The following PAK3 variants were observed in gnomAD, a reference collection of about 807,000 sequenced individuals.
The protein encoded by PAK3 is p21 (RAC1) activated kinase 3, also known as serine/threonine-protein kinase PAK 3.
In PAK3, 4 loss-of-function variants were observed where a neutral mutation model predicts 41.0. The observed-to-expected ratio is 0.10, with a 90% CI of 0.05 to 0.22. PAK3 has a LOEUF of 0.22. PAK3 is among the 10% of genes least tolerant of loss of function. PAK3 has a pLI of 1.00. For missense variants in PAK3, 205 were observed against 409.9 expected (o/e 0.50, Z 4.32); for synonymous variants, 146 against 139.6 (o/e 1.05, Z -0.32).
intron 1 of PAK3, among the ~76,000 whole-genome samples, chrX:111,015,299 A>G (rs1336952466): frequency 9.0e-6 from 1 of 110,939 alleles, no homozygotes; most frequent in Non-Finnish European, 1.9e-5. Flanking sequence ...CTATGACTGA[A>G]TAATATTCCA....
chrX:110,948,642 G>T (rs1452884082), intron 1 of PAK3, among the ~76,000 whole-genome samples: 2 of 111,724 alleles, frequency 1.8e-5, no homozygotes, highest in East Asian at 5.6e-4. Context: ...CTTAATGGCT[G>T]ATAATCATTG....
At chrX:111,028,322 A>G (rs374610875) in intron 1 of PAK3, among the ~76,000 whole-genome samples, 1 of 109,601 alleles carries the variant, frequency 9.1e-6, no homozygotes, top group East Asian at 2.9e-4. Flanking sequence ...TGGGTGCACA[A>G]AAATATCGGA....
chrX:110,950,536 C>T (rs1412302833), intron 1 of PAK3, among the ~76,000 whole-genome samples: 1 of 111,528 alleles, frequency 9.0e-6, no homozygotes, highest in Non-Finnish European at 1.9e-5. Context: ...TTTTAAGCCC[C>T]GCATGCATTA....
intron 1 of PAK3, among the ~76,000 whole-genome samples, chrX:111,067,694 A>G (rs1458773968): frequency 8.9e-6 from 1 of 111,950 alleles, no homozygotes; most frequent in Non-Finnish European, 1.9e-5. Context: ...TAAATTTGCT[A>G]ATGTTAAACT....
At chrX:110,954,878 G>A (rs976934345) in intron 1 of PAK3, among the ~76,000 whole-genome samples, 11 of 111,304 alleles carry the variant, frequency 9.9e-5, no homozygotes, top group Non-Finnish European at 1.9e-4. Flanking sequence ...CAGGAGACTA[G>A]TGCCAAGGGT....
At chrX:111,094,156 C>A (rs7881798), upstream of PAK3, among the ~76,000 whole-genome samples, 4,666 of 109,759 alleles carry the variant, frequency 0.043, 127 homozygotes, top group African/African-American at 0.093. Context: ...CTGATTCCAA[C>A]TTATTAATGA....
chrX:111,090,746 A>T (rs990538012), intron 1 of PAK3, among the ~76,000 whole-genome samples: 4 of 112,259 alleles, frequency 3.6e-5, no homozygotes, highest in African/African-American at 1.3e-4. Flanking sequence ...GAAAAACATG[A>T]CATCATAGTC....
At chrX:111,097,127 G>A (rs1237999515) in intron 1 of PAK3, among the ~76,000 whole-genome samples, 3 of 108,924 alleles carry the variant, frequency 2.8e-5, no homozygotes, top group Non-Finnish European at 5.7e-5. Context: ...GTGTCATTGG[G>A]TCCACTGCCT....
At chrX:110,984,404 A>G (rs1021252179) in intron 1 of PAK3, among the ~76,000 whole-genome samples, 3 of 111,584 alleles carry the variant, frequency 2.7e-5, no homozygotes, top group Non-Finnish European at 5.7e-5. Flanking sequence ...TATCCTACCC[A>G]AGCCCTGGGT....
intron 1 of PAK3, among the ~76,000 whole-genome samples, chrX:110,964,689 G>A (rs920052598): frequency 3.6e-5 from 4 of 112,278 alleles, no homozygotes; most frequent in African/African-American, 9.7e-5. Context: ...CCTGTGCCAC[G>A]TCTGAAGAAC....
At chrX:111,160,828 G>C (rs1373195768) in intron 8 of PAK3, among the ~76,000 whole-genome samples, 1 of 105,178 alleles carries the variant, frequency 9.5e-6, no homozygotes, top group Non-Finnish European at 2.0e-5. Flanking sequence ...GTATTCCATG[G>C]TGTATATGTG....
At chrX:111,043,189 G>A (rs1191494643) in intron 1 of PAK3, among the ~76,000 whole-genome samples, 1 of 110,055 alleles carries the variant, frequency 9.1e-6, no homozygotes, top group Non-Finnish European at 1.9e-5. Flanking sequence ...AGCCATTCAG[G>A]CAGCTGAGGC....
At chrX:111,208,481 C>A (rs1015620035) in intron 16 of PAK3, among the ~76,000 whole-genome samples, 19 of 111,830 alleles carry the variant, frequency 1.7e-4, no homozygotes, top group Admixed American at 1.5e-3. Flanking sequence ...CACAGGTGTA[C>A]CATGTTTTAT....
chrX:110,959,730 C>A (rs2090939555), intron 1 of PAK3, among the ~76,000 whole-genome samples: 1 of 111,414 alleles, frequency 9.0e-6, no homozygotes, highest in African/African-American at 3.3e-5. Flanking sequence ...GTAAGCCGCT[C>A]ATTCTCCTGG....
intron 10 of PAK3, chrX:111,169,342 C>T (rs1298121281): frequency 6.0e-5 from 10 of 168,012 alleles, no homozygotes; most frequent in Admixed American, 5.0e-4. Flanking sequence ...GTGGAATTCC[C>T]GTCATGTATA....
chrX:111,193,369 T>TA (rs1453812372), intron 13 of PAK3, among the ~76,000 whole-genome samples: 1 of 96,315 alleles, frequency 1.0e-5, no homozygotes, highest in Non-Finnish European at 2.0e-5. Context: ...TTTTTTTTTT[T>TA]TACAGAGTCT....
At chrX:111,207,176 G>A (rs1156366792) in intron 16 of PAK3, among the ~76,000 whole-genome samples, 2 of 106,178 alleles carry the variant, frequency 1.9e-5, no homozygotes, top group African/African-American at 6.9e-5. Context: ...ATATATGTGT[G>A]TATATATATA....
chrX:111,186,367 C>T lies in PAK3; in HGVS notation c.831-5760C>T, dbSNP rs754069737. Among the ~76,000 whole-genome samples the T allele has an allele frequency of 4.0e-3, 441 of 111,045 alleles. 1 individual carries two copies. The highest frequency in any genetic ancestry group is 6.9e-3 in the Non-Finnish European group (365 of 52,919). On this transcript the variant is annotated intron_variant, in intron 11 of 17. Transcript: ENST00000372007. The stretch of plus-strand genomic sequence containing the variant: ...AAGTCAAATTGTCCCTGTTTGCAGA[C>T]GACATGATTGTATATCTAGAAAACC...
At chrX:111,177,494 A>C (rs773870863) in intron 11 of PAK3, among the ~76,000 whole-genome samples, 3 of 111,725 alleles carry the variant, frequency 2.7e-5, no homozygotes, top group Non-Finnish European at 3.8e-5. Flanking sequence ...GTGTTCTATA[A>C]TTGGCTACCA....
Sources: gnomAD v4.1 joint callset for allele counts (sites outside exome capture counted in the v4.1 genomes callset) on GRCh38, gnomAD v4.1.1 for gene constraint, MANE v1.5 for transcripts, NCBI Gene and HGNC (gene_info 2026-07-23, HGNC 2026-07-21) for gene names.